The following DENND1A variants were observed in gnomAD, a reference collection of about 807,000 sequenced individuals.
DENND1A encodes the protein DENN domain-containing protein 1A.
DENND1A carries 51 observed loss-of-function variants against 113.7 expected under a neutral mutation model. The observed-to-expected ratio is 0.45, with a 90% CI of 0.36 to 0.57. The LOEUF (loss-of-function observed/expected upper bound fraction) is 0.57, where lower values mean the gene tolerates loss of function less well. Among genes scored for constraint, DENND1A ranks in the 20% least tolerant of loss-of-function variants. The pLI, the probability that DENND1A is intolerant of heterozygous loss-of-function variation, is 0.00. For missense variants in DENND1A, 1,258 were observed against 1,395.9 expected (o/e 0.90, Z 1.57); for synonymous variants, 565 against 570.8 (o/e 0.99, Z 0.14).
chr9:123,596,677 C>T (rs1316257320), intron 11 of DENND1A, among the ~76,000 whole-genome samples: 2 of 152,176 alleles, frequency 1.3e-5, no homozygotes, highest in East Asian at 3.8e-4. Context: ...CACTTCCACA[C>T]GTCTCTTGTG....
At chr9:123,600,044 C>T (rs924943711) in intron 11 of DENND1A, among the ~76,000 whole-genome samples, 1 of 152,156 alleles carries the variant, frequency 6.6e-6, no homozygotes, top group Non-Finnish European at 1.5e-5. Context: ...TCTCTGAGCT[C>T]CCACAATGGC....
intron 12 of DENND1A, among the ~76,000 whole-genome samples, chr9:123,572,235 G>A (rs2058396423): frequency 1.3e-5 from 2 of 152,152 alleles, no homozygotes; most frequent in Admixed American, 6.5e-5. Context: ...CACTTCTAAT[G>A]TATTTGAGAT....
At chr9:123,450,043 G>GAAAAAAAAAAAAAAAAAA in intron 18 of DENND1A, among the ~76,000 whole-genome samples, 1 of 119,732 alleles carries the variant, frequency 8.4e-6, no homozygotes. Flanking sequence ...GATAAAAAAA[G>GAAAAAAAAAAAAAAAAAA]AAAAAAAAAA....
intron 1 of DENND1A, chr9:123,928,679 C>G (rs931112937): frequency 9.1e-6 from 9 of 985,432 alleles, no homozygotes; most frequent in Non-Finnish European, 1.1e-5. Flanking sequence ...AATGAGAAGC[C>G]TAACCACACG....
At chr9:123,680,488 A>T (rs919903282) in intron 5 of DENND1A, among the ~76,000 whole-genome samples, 1 of 152,234 alleles carries the variant, frequency 6.6e-6, no homozygotes, top group Non-Finnish European at 1.5e-5. Context: ...ATTACCTCCA[A>T]ATATGGCGGA....
At chr9:123,728,234 T>G (rs1431128795) in intron 5 of DENND1A, among the ~76,000 whole-genome samples, 1 of 151,900 alleles carries the variant, frequency 6.6e-6, no homozygotes, top group Non-Finnish European at 1.5e-5. Flanking sequence ...TCCCAGCACT[T>G]TGGGAGGCCA....
intron 3 of DENND1A, among the ~76,000 whole-genome samples, chr9:123,783,059 C>A (rs1237603426): frequency 6.6e-6 from 1 of 152,292 alleles, no homozygotes; most frequent in East Asian, 1.9e-4. Context: ...ATACTACACA[C>A]AACCAAAAGG....
At chr9:123,541,344 T>G (rs1213119665) in intron 13 of DENND1A, among the ~76,000 whole-genome samples, 1 of 152,188 alleles carries the variant, frequency 6.6e-6, no homozygotes, top group African/African-American at 2.4e-5. Context: ...TTCCTACCCC[T>G]ACTTCTTTTG....
intron 7 of DENND1A, among the ~76,000 whole-genome samples, chr9:123,668,127 G>GT (rs1564915550): frequency 6.6e-6 from 1 of 152,098 alleles, no homozygotes; most frequent in African/African-American, 2.4e-5. Flanking sequence ...AAAGAGCTTG[G>GT]TGCCGGCCAA....
intron 13 of DENND1A, 31 bp from the exon 14 acceptor site, chr9:123,457,928 G>A (rs1351384829): frequency 7.8e-6 from 12 of 1,541,554 alleles, no homozygotes; most frequent in Non-Finnish European, 1.1e-5. Context: ...AGGTGGGTCA[G>A]TGGCACGGAG....
chr9:123,556,234 C>T (rs1254899869), intron 13 of DENND1A, among the ~76,000 whole-genome samples: 1 of 152,198 alleles, frequency 6.6e-6, no homozygotes, highest in Non-Finnish European at 1.5e-5. Flanking sequence ...GCCCAAAGCT[C>T]AGGCAGCCTA....
chr9:123,697,683 C>T (rs1589710326), intron 5 of DENND1A, among the ~76,000 whole-genome samples: 2 of 152,168 alleles, frequency 1.3e-5, no homozygotes, highest in South Asian at 4.1e-4. Flanking sequence ...CCTCCTCCTT[C>T]CTTCCTCCCC....
At chr9:123,784,026 T>C (rs1038993319) in intron 3 of DENND1A, among the ~76,000 whole-genome samples, 4 of 151,824 alleles carry the variant, frequency 2.6e-5, no homozygotes, top group African/African-American at 9.7e-5. Flanking sequence ...TATACTGAGG[T>C]AGGAGTTGCA....
At chr9:123,868,081 C>T (rs1846036862) in intron 2 of DENND1A, among the ~76,000 whole-genome samples, 1 of 152,128 alleles carries the variant, frequency 6.6e-6, no homozygotes, top group Non-Finnish European at 1.5e-5. Flanking sequence ...GTGTTAAGAG[C>T]CAGTAAATTC....
At chr9:123,559,364 C>T (rs1395344029) in intron 12 of DENND1A, among the ~76,000 whole-genome samples, 1 of 152,014 alleles carries the variant, frequency 6.6e-6, no homozygotes, top group African/African-American at 2.4e-5. Flanking sequence ...TGTAAGAGAC[C>T]AGCTACTGGT....
chr9:123,545,981 G>A (rs1157438887), intron 13 of DENND1A, among the ~76,000 whole-genome samples: 1 of 152,118 alleles, frequency 6.6e-6, no homozygotes, highest in Non-Finnish European at 1.5e-5. Context: ...CTTTGCCACT[G>A]CTTCCACAAA....
At chr9:123,501,712 G>A (rs1223746823) in intron 13 of DENND1A, among the ~76,000 whole-genome samples, 1 of 152,232 alleles carries the variant, frequency 6.6e-6, no homozygotes, top group Non-Finnish European at 1.5e-5. Flanking sequence ...TCAGTGGGCT[G>A]GGGAAGGCAG....
intron 13 of DENND1A, chr9:123,485,656 G>GCACACACACACACACACACACACA (rs77062893): frequency 7.1e-6 from 1 of 141,156 alleles, no homozygotes; most frequent in African/African-American, 2.9e-5. Context: ...GCGCGCGCGC[G>GCACACACACACACACACACACACA]CACACACACA....
chr9:123,917,527 T>C (rs190503626), intron 1 of DENND1A, among the ~76,000 whole-genome samples: 2 of 152,244 alleles, frequency 1.3e-5, no homozygotes, highest in East Asian at 3.9e-4. Context: ...AAAACTGCTA[T>C]AGTCTAGAAC....
Sources: gnomAD v4.1 joint callset for allele counts (sites outside exome capture counted in the v4.1 genomes callset) on GRCh38, gnomAD v4.1.1 for gene constraint, MANE v1.5 for transcripts, NCBI Gene and HGNC (gene_info 2026-07-23, HGNC 2026-07-21) for gene names.